The following SH3TC1 variants were observed in gnomAD, a reference collection of about 807,000 sequenced individuals.
SH3TC1 encodes SH3 domain and tetratricopeptide repeats 1.
A neutral mutation model predicts 117.3 loss-of-function variants in SH3TC1; 135 were observed. The observed-to-expected ratio is 1.15, with a 90% CI of 1.00 to 1.33. The LOEUF is 1.33. SH3TC1 is among the 40% of genes most tolerant of loss of function. SH3TC1 has a pLI of 0.00. For synonymous variants in SH3TC1, 898 were observed against 816.9 expected, an observed-to-expected ratio of 1.10 and a Z score of -1.69; for missense variants, 2,092 against 1,794.3, an observed-to-expected ratio of 1.17 and a Z score of -3.00.
At chr4:8,189,635 C>T (rs1014681724) in intron 1 of SH3TC1, among the ~76,000 whole-genome samples, 4 of 152,092 alleles carry the variant, frequency 2.6e-5, no homozygotes, top group Non-Finnish European at 4.4e-5. Context: ...GCGCCAAGTG[C>T]CCTGTGGTGC....
In SH3TC1 at chr4:8,236,373, G is replaced by GC; in HGVS notation, c.3505dup (p.Gln1169ProfsTer61). The stretch of plus-strand genomic sequence containing the variant: ...TGGCACTGCTGGCCACGCTGGAGGA[G>GC]CCCCAGGAGGGCTTGGAGTTTGCCC... On this transcript the variant is annotated frameshift_variant, in exon 16 of 18. Coordinates refer to ENST00000245105, the MANE Select transcript of SH3TC1 (RefSeq NM_018986.5). LOFTEE classifies it high-confidence loss of function. 4.5e-6 allele frequency: 7 copies of GC among 1,543,758 alleles called. No homozygotes were observed. The highest frequency in any genetic ancestry group is 6.1e-6 in the Non-Finnish European group (7 of 1,143,472).
At chr4:8,232,192 AGGGGGCAAAGGGGGCGGCGGGGC>A (rs1721293635) in intron 13 of SH3TC1, 36 bp downstream of exon 13, 3 of 42,356 alleles carry the variant, frequency 7.1e-5, no homozygotes, top group African/African-American at 5.5e-4. Flanking sequence ...GGGCGGGGGG[AGGGGGCAAAGGGGGCGGCGGGGC>A]GGGGGCACAG....
At position 8,206,839 on chromosome 4, in the gene SH3TC1, G is replaced by A. The variant is rs1215773888; in HGVS notation, c.172+1473G>A. On this transcript the variant is annotated intron_variant, in intron 2 of 17. Coordinates refer to ENST00000245105, the MANE Select transcript of SH3TC1 (RefSeq NM_018986.5). This position sits in a 1 kb window ranked among gnomAD's most constrained non-coding sequence, Gnocchi z 5.5. ...TTACTTTGTGTGTGTACTCGTGTGT[G>A]TGTGTGTGTGTGTGTGTGTGTGTGT... 1.4e-5 allele frequency among the ~76,000 whole-genome samples: 2 copies of A among 145,996 alleles called. No individual in the cohort carries two copies. The highest frequency in any genetic ancestry group is 2.7e-5 in the African/African-American group (1 of 36,698).
chr4:8,211,152 C>A (rs1290096175), intron 3 of SH3TC1, among the ~76,000 whole-genome samples: 60 of 105,598 alleles, frequency 5.7e-4, no homozygotes, highest in Non-Finnish European at 7.3e-4. Context: ...ACCTCCCTCT[C>A]CCCCCACCTG....
Position 8,205,471 on chromosome 4 carries a change from T to G in SH3TC1, c.172+105T>G. 3 of 1,386,182 alleles carry G rather than the reference T, an allele frequency of 2.2e-6. No homozygotes were observed. Among genetic ancestry groups the G allele is most frequent in the Non-Finnish European group, 3.0e-6 (3 of 997,470 alleles). 85.9% of individuals were successfully genotyped at this position (1,386,182 alleles called of 1,614,324 possible). On this transcript the variant is annotated intron_variant, in intron 2 of 17. Transcript: ENST00000245105. This position sits in a 1 kb window ranked among gnomAD's most constrained non-coding sequence, Gnocchi z 5.4. ...ACCACCCTGCCTGCCTCCAGGCCTC[T>G]TGGGGCTGGGGCTGGAGTCTGCTCT... is the stretch of plus-strand genomic sequence containing the variant.
Position 8,240,788 on chromosome 4 carries a change from C to G in SH3TC1, c.3844C>G (p.Arg1282Gly). ...NKKAQLKIYT[R>G]LATIYHNFLL... is the part of the protein sequence containing the mutation. The stretch of plus-strand genomic sequence containing the variant: ...GAAGGCACAGCTGAAGATCTACACG[C>G]GGCTGGCCACCATCTACCACAACTT... Residue 1282 changes from arginine to glycine, a missense_variant, in exon 18 of 18, where the codon CGG becomes GGG. Arg to Gly is a moderately radical substitution (Grantham distance 125). Coordinates refer to ENST00000245105, the MANE Select transcript of SH3TC1 (RefSeq NM_018986.5). 2 of 1,614,112 alleles carry G rather than the reference C, an allele frequency of 1.2e-6. No individual in the cohort carries two copies. Among genetic ancestry groups the G allele is most frequent in the Non-Finnish European group, 1.7e-6 (2 of 1,180,036 alleles).
chr4:8,236,347 GTGGCAC>G lies in SH3TC1; in HGVS notation c.3478_3483del (p.Ala1160_Leu1161del), dbSNP rs756646350. On this transcript the variant is annotated inframe_deletion, in exon 16 of 18. Transcript: ENST00000245105. Reference sequence around the variant, plus strand: ...GGAGCTGCGGCTGTGCAACAAGCTGGTGGCACTGCTGGCCACGCTGGAGGAGCCCCA... The same window carrying G: ...GGAGCTGCGGCTGTGCAACAAGCTGGTGCTGGCCACGCTGGAGGAGCCCCA... 59 of 1,551,812 alleles carry G rather than the reference GTGGCAC, an allele frequency of 3.8e-5. 1 individual carries two copies. The Admixed American group carries it at 9.7e-4, about 26-fold the overall frequency.
chr4:8,227,291 T>C lies in SH3TC1; in HGVS notation c.1597T>C (p.Phe533Leu). The change falls in exon 12 of 18, where the codon TTC becomes CTC. Residue 533 changes from phenylalanine (F) to leucine (L), a missense_variant. Phe to Leu is a conservative substitution (Grantham distance 22, BLOSUM62 0). Transcript: ENST00000245105. ...GTGGCTGAGCAGCGTGTTCCGCAGC[T>C]TCAGCGACGAGGAGGAGCTGACTGG... is the stretch of plus-strand genomic sequence containing the variant. ...LPWLSSVFRS[F>L]SDEEELTGRL... is the part of the protein sequence containing the mutation. The C allele has an allele frequency of 5.6e-6, 9 of 1,608,906 alleles. No homozygotes were observed. In the Admixed American group the frequency reaches 1.3e-4, roughly 24 times the overall value.
At chr4:8,188,694 A>T (rs1383895217) in intron 1 of SH3TC1, among the ~76,000 whole-genome samples, 1 of 151,894 alleles carries the variant, frequency 6.6e-6, no homozygotes, top group Non-Finnish European at 1.5e-5. Context: ...GTGAGGGGAG[A>T]CCCCGGGACC....
At chr4:8,223,631 CTTTT>C (rs761152183) in intron 10 of SH3TC1, among the ~76,000 whole-genome samples, 3 of 136,514 alleles carry the variant, frequency 2.2e-5, no homozygotes, top group Admixed American at 7.4e-5. Flanking sequence ...TACACACCCA[CTTTT>C]TTTTTTTTTT....
At chr4:8,198,432 C>G (rs927476297), upstream of SH3TC1, among the ~76,000 whole-genome samples, 2 of 152,228 alleles carry the variant, frequency 1.3e-5, no homozygotes, top group African/African-American at 4.8e-5. Context: ...ACACCCACCA[C>G]GTGGGTGCTC....
At chr4:8,215,370 G>A in intron 5 of SH3TC1, 1 of 409,350 alleles carries the variant, frequency 2.4e-6, no homozygotes, top group South Asian at 1.7e-5. Flanking sequence ...AAGAATTGTA[G>A]CCACAATTCC....
chr4:8,225,217 G>C lies in SH3TC1; in HGVS notation c.1285+1G>C, dbSNP rs775317940. On this transcript the variant is annotated splice_donor_variant, in intron 11 of 17. Transcript: ENST00000245105. LOFTEE classifies it high-confidence loss of function. This position sits in a 1 kb window ranked among gnomAD's most constrained non-coding sequence, Gnocchi z 5.5. Reference sequence around the variant, plus strand: ...GAGACCGAGCAGCCGCAGGAAAAAGGTGGGTTTTGCCAGTGGCTCAGGCTT... The same window carrying C: ...GAGACCGAGCAGCCGCAGGAAAAAGCTGGGTTTTGCCAGTGGCTCAGGCTT... 6 of 1,613,460 alleles carry C rather than the reference G, an allele frequency of 3.7e-6. No individual in the cohort carries two copies. The highest frequency in any genetic ancestry group is 5.1e-6 in the Non-Finnish European group (6 of 1,179,826).
rs1718086419 is a variant in SH3TC1, at chr4:8,205,095, C to T, written c.-28-72C>T. The stretch of plus-strand genomic sequence containing the variant: ...ACGCTGGTGTTCTCTTTCTGGACCC[C>T]AGGCCTGGACACAACCTCCGTGCTG... On this transcript the variant is annotated intron_variant, in intron 1 of 17. Coordinates refer to ENST00000245105, the MANE Select transcript of SH3TC1 (RefSeq NM_018986.5). This position sits in a 1 kb window ranked among gnomAD's most constrained non-coding sequence, Gnocchi z 5.4. 5 of 1,293,856 alleles carry T rather than the reference C, an allele frequency of 3.9e-6. No homozygotes were observed. The highest frequency in any genetic ancestry group is 3.0e-5 in the Admixed American group (1 of 33,088). The allele number at this position is 1,293,856 out of a possible 1,614,324, so 80.1% of individuals were successfully genotyped here. A position where few individuals can be genotyped will look rare whatever the true frequency, so the allele number is the denominator to read the frequency against.
In SH3TC1 at chr4:8,218,419, G is replaced by A; in HGVS notation, c.916+72G>A. 3.4e-6 allele frequency: 4 copies of A among 1,162,020 alleles called. No individual in the cohort carries two copies. In the South Asian group the frequency reaches 4.1e-5, roughly 12 times the overall value. The allele number at this position is 1,162,020 out of a possible 1,614,324, so 72.0% of individuals were successfully genotyped here. A position where few individuals can be genotyped will look rare whatever the true frequency, so the allele number is the denominator to read the frequency against. On this transcript the variant is annotated intron_variant, in intron 8 of 17. Coordinates refer to ENST00000245105, the MANE Select transcript of SH3TC1 (RefSeq NM_018986.5). ...AGGGAGCAGCACCAACATTTTGGAA[G>A]TTGCCCTACATCCTCCCTGAGCCAG...
chr4:8,195,870 A>C (rs1002646901), upstream of SH3TC1, among the ~76,000 whole-genome samples: 1 of 152,180 alleles, frequency 6.6e-6, no homozygotes, highest in South Asian at 2.1e-4. Context: ...AAGTTGACAC[A>C]GGTGGTCTTG....
rs1718508559 is a variant in SH3TC1, at chr4:8,209,959, A to AAAG, written c.247+141_247+143dup. On this transcript the variant is annotated intron_variant, in intron 3 of 17. Transcript: ENST00000245105. The surrounding 1 kb of genome is among the most constrained non-coding windows in gnomAD (Gnocchi z 5.9). ...CACCTTAAAATCATGATGGGAATAG[A>AAAG]AAGAAGGGTTTGTTAAATGCGCATG... The AAAG allele has an allele frequency of 7.5e-6, 7 of 928,602 alleles. No homozygotes were observed. In the South Asian group the frequency reaches 1.2e-4, roughly 15 times the overall value. The allele number at this position is 928,602 out of a possible 1,614,324, so 57.5% of individuals were successfully genotyped here. A position where few individuals can be genotyped will look rare whatever the true frequency, so the allele number is the denominator to read the frequency against.
rs530676145 is a variant in SH3TC1 at position 8,237,467 on chromosome 4, A to AC, written c.3557-3dup. The AC allele has an allele frequency of 3.6e-4, 553 of 1,539,994 alleles. 11 individuals are homozygous for AC. The South Asian group carries it at 6.5e-3, about 18-fold the overall frequency. ...CCTCACACCTGCCCCCTTGGCCTGC[A>AC]CCCCAGGGGACCGGCTGAACGAGCG... On this transcript the variant is annotated splice_region_variant and splice_polypyrimidine_tract_variant and intron_variant, in intron 16 of 17. Coordinates refer to ENST00000245105, the MANE Select transcript of SH3TC1 (RefSeq NM_018986.5).
chr4:8,206,341 C>T lies in SH3TC1; in HGVS notation c.172+975C>T, dbSNP rs1718205415. Among the ~76,000 whole-genome samples, 1 of 151,992 alleles carries T rather than the reference C, an allele frequency of 6.6e-6. No homozygotes were observed. The highest frequency in any genetic ancestry group is 2.1e-4 in the South Asian group (1 of 4,814). On this transcript the variant is annotated intron_variant, in intron 2 of 17. Coordinates refer to ENST00000245105, the MANE Select transcript of SH3TC1 (RefSeq NM_018986.5). This position sits in a 1 kb window ranked among gnomAD's most constrained non-coding sequence, Gnocchi z 5.5. ...GTGGGGCCTGGGCCTGGGGAGCCCA[C>T]CTGGCCATGGAATCGCGTTCCCTCC...
Sources: allele counts gnomAD v4.1 joint callset (sites outside exome capture counted in the v4.1 genomes callset), GRCh38; gene constraint gnomAD v4.1.1; non-coding constraint Gnocchi (gnomAD v3.1); transcripts MANE v1.5; gene names NCBI Gene and HGNC (gene_info 2026-07-23, HGNC 2026-07-21).